SHC3: variants seen among roughly 807,000 people sequenced by gnomAD.
SHC3 encodes SHC-transforming protein 3.
A neutral mutation model predicts 60.4 loss-of-function variants in SHC3; 15 were observed. The ratio of observed to expected loss-of-function variants is 0.25; its 90% confidence interval spans 0.17 to 0.38. The LOEUF is 0.38. SHC3 is among the 10% of genes least tolerant of loss of function. The pLI is 1.00. For missense variants in SHC3, 677 were observed against 786.1 expected (o/e 0.86, Z 1.66); for synonymous variants, 294 against 325.9 (o/e 0.90, Z 1.05).
chr9:89,145,806 T>C (rs1332968873), intron 1 of SHC3, among the ~76,000 whole-genome samples: 1 of 152,182 alleles, frequency 6.6e-6, no homozygotes, highest in Non-Finnish European at 1.5e-5. Flanking sequence ...TTAGATAAAG[T>C]AAGAAAGAAC....
chr9:89,055,134 G>A (rs1278976206), intron 6 of SHC3, among the ~76,000 whole-genome samples: 1 of 152,238 alleles, frequency 6.6e-6, no homozygotes, highest in East Asian at 1.9e-4. Context: ...GGTAGCTCCT[G>A]GCATGTCCAC....
chr9:89,034,702 C>G (rs41377150), intron 11 of SHC3, among the ~76,000 whole-genome samples: 2,943 of 152,234 alleles, frequency 0.019, 34 homozygotes, highest in South Asian at 0.029. Context: ...AATCTAGACA[C>G]TGTAGGAAAT....
At chr9:89,059,258 G>A (rs1224874027) in intron 6 of SHC3, among the ~76,000 whole-genome samples, 2 of 121,604 alleles carry the variant, frequency 1.6e-5, no homozygotes, top group African/African-American at 6.3e-5. Flanking sequence ...GTGGAGGATG[G>A]TGGTGGAGGA....
chr9:89,101,562 G>A (rs1825782867), intron 2 of SHC3, among the ~76,000 whole-genome samples: 1 of 151,536 alleles, frequency 6.6e-6, no homozygotes, highest in East Asian at 1.9e-4. Context: ...ATGAATGTAT[G>A]TTGAATTTTG....
chr9:89,031,500 T>C (rs955020261), intron 11 of SHC3, among the ~76,000 whole-genome samples: 1 of 152,236 alleles, frequency 6.6e-6, no homozygotes, highest in Non-Finnish European at 1.5e-5. Flanking sequence ...TATGTGGTCT[T>C]TTGTCACTAG....
chr9:89,084,121 C>T (rs977333535), intron 2 of SHC3, among the ~76,000 whole-genome samples: 5 of 152,168 alleles, frequency 3.3e-5, no homozygotes, highest in African/African-American at 9.7e-5. Flanking sequence ...TCACTTTAAT[C>T]TTGTATGTTG....
intron 2 of SHC3, among the ~76,000 whole-genome samples, chr9:89,107,423 G>A (rs879494964): frequency 6.6e-6 from 1 of 152,208 alleles, no homozygotes; most frequent in Non-Finnish European, 1.5e-5. Flanking sequence ...CAACACGAGG[G>A]TACAGTATTA....
intron 6 of SHC3, among the ~76,000 whole-genome samples, chr9:89,053,374 G>A (rs1006750225): frequency 1.3e-5 from 2 of 152,228 alleles, no homozygotes; most frequent in African/African-American, 2.4e-5. Context: ...CCCTATAGGA[G>A]AAGCCAGTAC....
intron 1 of SHC3, among the ~76,000 whole-genome samples, chr9:89,164,338 T>A (rs964819986): frequency 1.3e-5 from 2 of 152,144 alleles, no homozygotes; most frequent in Non-Finnish European, 2.9e-5. Flanking sequence ...TGTTTGCTTA[T>A]GTGAGCTGAG....
intron 6 of SHC3, 98 bp downstream of exon 6, chr9:89,065,431 T>C: frequency 8.0e-7 from 1 of 1,257,094 alleles, no homozygotes; most frequent in Non-Finnish European, 1.2e-6. Flanking sequence ...CACTACTCAT[T>C]TGTTGGGAGG....
chr9:89,078,919 A>G (rs1415695297), intron 2 of SHC3, among the ~76,000 whole-genome samples: 1 of 152,214 alleles, frequency 6.6e-6, no homozygotes, highest in Non-Finnish European at 1.5e-5. Context: ...TCCGAGCTCA[A>G]TACTTCTTCA....
intron 9 of SHC3, among the ~76,000 whole-genome samples, 166 bp downstream of exon 9, chr9:89,045,580 G>A (rs1028072493): frequency 2.0e-5 from 3 of 152,062 alleles, no homozygotes; most frequent in Non-Finnish European, 4.4e-5. Flanking sequence ...TGACCACACC[G>A]TTGCTTCTAT....
chr9:89,156,820 C>T (rs889282328), intron 1 of SHC3, among the ~76,000 whole-genome samples: 10 of 152,184 alleles, frequency 6.6e-5, no homozygotes, highest in African/African-American at 1.9e-4. Context: ...AGCTCACCTT[C>T]TTTTCTGCCG....
chr9:89,078,714 T>G (rs961899184), intron 2 of SHC3, among the ~76,000 whole-genome samples: 1 of 152,136 alleles, frequency 6.6e-6, no homozygotes, highest in Non-Finnish European at 1.5e-5. Context: ...CTCAACCTCA[T>G]GATCCAGCCT....
intron 11 of SHC3, among the ~76,000 whole-genome samples, chr9:89,029,606 A>T (rs765150668): frequency 6.6e-6 from 1 of 152,170 alleles, no homozygotes; most frequent in Non-Finnish European, 1.5e-5. Flanking sequence ...CAAGAGTCCA[A>T]TGAAAATATG....
chr9:89,170,014 C>A (rs755323298), intron 1 of SHC3, among the ~76,000 whole-genome samples: 11 of 152,062 alleles, frequency 7.2e-5, no homozygotes, highest in Non-Finnish European at 1.3e-4. Flanking sequence ...GACAAATGGG[C>A]TCAAGGCTCT....
At chr9:89,046,090 C>A (rs532206475) in intron 8 of SHC3, among the ~76,000 whole-genome samples, 1 of 137,488 alleles carries the variant, frequency 7.3e-6, no homozygotes, top group African/African-American at 2.7e-5. Flanking sequence ...CCACCCCTCC[C>A]GAAGTGTGAC....
intron 2 of SHC3, among the ~76,000 whole-genome samples, chr9:89,086,279 G>T: frequency 6.6e-6 from 1 of 151,972 alleles, no homozygotes; most frequent in East Asian, 1.9e-4. Context: ...TCCCACAGGG[G>T]TAAAATAAAG....
intron 2 of SHC3, chr9:89,088,476 G>A (rs1283557090): frequency 1.3e-5 from 2 of 152,092 alleles, no homozygotes; most frequent in African/African-American, 4.8e-5. Context: ...ACTCATATTT[G>A]GCTCAGGAAA....
Sources: allele counts gnomAD v4.1 joint callset (sites outside exome capture counted in the v4.1 genomes callset), GRCh38; gene constraint gnomAD v4.1.1; transcripts MANE v1.5; gene names NCBI Gene and HGNC (gene_info 2026-07-23, HGNC 2026-07-21).